The following TCF7L1 variants were observed in gnomAD, a reference collection of about 807,000 sequenced individuals.
TCF7L1 encodes the protein transcription factor 7 like 1, also known as transcription factor 7-like 1.
In TCF7L1, 18 loss-of-function variants were observed where a neutral mutation model predicts 63.7. The ratio of observed to expected loss-of-function variants is 0.28; its 90% CI spans 0.20 to 0.42. TCF7L1 has a LOEUF of 0.42. TCF7L1 is among the 10% of genes least tolerant of loss of function. The pLI is 1.00. For synonymous variants in TCF7L1, 355 were observed against 340.9 expected (o/e 1.04, Z -0.46); for missense variants, 654 against 779.3 (o/e 0.84, Z 1.91).
chr2:85,275,076 G>A (rs937579913), intron 3 of TCF7L1, among the ~76,000 whole-genome samples: 9 of 152,228 alleles, frequency 5.9e-5, no homozygotes, highest in East Asian at 1.9e-4. Context: ...CCCTGATTCC[G>A]TATTTGTTGA....
intron 3 of TCF7L1, among the ~76,000 whole-genome samples, chr2:85,210,344 G>C (rs377695785): frequency 2.4e-4 from 36 of 152,350 alleles, no homozygotes; most frequent in African/African-American, 8.7e-4. Flanking sequence ...GAGCCCTGTA[G>C]TTTCTCCCCT....
chr2:85,134,211 G>A lies in TCF7L1; in HGVS notation c.314-112G>A. The A allele has an allele frequency of 3.4e-6, 5 of 1,481,572 alleles. No individual in the cohort carries two copies. The highest frequency in any genetic ancestry group is 2.5e-5 in the East Asian group (1 of 39,306). 91.8% of individuals were successfully genotyped at this position (1,481,572 alleles called of 1,614,324 possible). A position where few individuals can be genotyped will look rare whatever the true frequency, so the allele number is the denominator to read the frequency against. On this transcript the variant is annotated intron_variant, in intron 2 of 11. Coordinates refer to ENST00000282111, the MANE Select transcript of TCF7L1 (RefSeq NM_031283.3). This position sits in a 1 kb window ranked among gnomAD's most constrained non-coding sequence, Gnocchi z 5.0. ...TCCGCCTTTATTGGCGGCAGCCCCC[G>A]TGGGGCGCGCGTGGGGGGCGCTGGG...
chr2:85,236,046 G>A (rs114440387), intron 3 of TCF7L1, among the ~76,000 whole-genome samples: 3,129 of 152,198 alleles, frequency 0.021, 119 homozygotes, highest in African/African-American at 0.071. Context: ...TCAGCTACTT[G>A]GGGAGCTGAG....
chr2:85,229,156 C>G (rs779408676), intron 3 of TCF7L1, among the ~76,000 whole-genome samples: 1 of 152,104 alleles, frequency 6.6e-6, no homozygotes, highest in East Asian at 1.9e-4. Flanking sequence ...ACCATCCTGG[C>G]CAACATGGTG....
chr2:85,139,865 T>G (rs1677681659), intron 3 of TCF7L1, among the ~76,000 whole-genome samples: 1 of 152,128 alleles, frequency 6.6e-6, no homozygotes, highest in Non-Finnish European at 1.5e-5. Flanking sequence ...AATCTGATCT[T>G]ATTTAAGAGG....
chr2:85,169,740 G>T (rs1678503511), intron 3 of TCF7L1, among the ~76,000 whole-genome samples: 1 of 152,162 alleles, frequency 6.6e-6, no homozygotes, highest in Non-Finnish European at 1.5e-5. Flanking sequence ...CTGCATCTGT[G>T]CTTGCTAGGT....
intron 3 of TCF7L1, chr2:85,187,312 T>A (rs1678949445): frequency 6.6e-6 from 1 of 152,226 alleles, no homozygotes; most frequent in Non-Finnish European, 1.5e-5. Context: ...GGTATGACTG[T>A]CTAATAGCGG....
intron 3 of TCF7L1, among the ~76,000 whole-genome samples, chr2:85,211,693 G>A (rs1485262150): frequency 6.6e-6 from 1 of 152,196 alleles, no homozygotes; most frequent in Non-Finnish European, 1.5e-5. Context: ...GCCTGGTCTG[G>A]TCTTTAGAGC....
intron 3 of TCF7L1, among the ~76,000 whole-genome samples, chr2:85,260,947 C>G (rs992197095): frequency 6.6e-6 from 1 of 152,126 alleles, no homozygotes; most frequent in Admixed American, 6.6e-5. Context: ...AGAATTTGCT[C>G]TCCCTCAGTT....
chr2:85,302,315 G>T (rs1436551602), intron 4 of TCF7L1, among the ~76,000 whole-genome samples, 169 bp from the exon 5 acceptor site: 3 of 152,116 alleles, frequency 2.0e-5, no homozygotes, highest in African/African-American at 7.2e-5. Flanking sequence ...CCCTTCTCAA[G>T]TCCTGCTGCT....
At chr2:85,143,383 T>A (rs1677791566) in intron 3 of TCF7L1, among the ~76,000 whole-genome samples, 1 of 152,224 alleles carries the variant, frequency 6.6e-6, no homozygotes, top group Non-Finnish European at 1.5e-5. Context: ...AATAAGCCTC[T>A]TCAATGCTGG....
chr2:85,141,450 C>T (rs1220865607), intron 3 of TCF7L1, among the ~76,000 whole-genome samples: 1 of 152,188 alleles, frequency 6.6e-6, no homozygotes, highest in Non-Finnish European at 1.5e-5. Flanking sequence ...TCAGCTGGAA[C>T]CCCAGACCAG....
chr2:85,230,000 C>A (rs1034829350), intron 3 of TCF7L1, among the ~76,000 whole-genome samples: 1 of 152,198 alleles, frequency 6.6e-6, no homozygotes, highest in Non-Finnish European at 1.5e-5. Flanking sequence ...CAAAGTGAGA[C>A]CCTGTCTCAA....
At chr2:85,164,505 G>T (rs1336635472) in intron 3 of TCF7L1, among the ~76,000 whole-genome samples, 1 of 152,124 alleles carries the variant, frequency 6.6e-6, no homozygotes, top group African/African-American at 2.4e-5. Flanking sequence ...TTGGGGAGTG[G>T]CAGGGTTATG....
intron 3 of TCF7L1, among the ~76,000 whole-genome samples, chr2:85,174,851 C>A (rs1207494513): frequency 2.0e-5 from 3 of 152,252 alleles, no homozygotes; most frequent in Non-Finnish European, 4.4e-5. Flanking sequence ...CCTTGGGTCA[C>A]TGCAGGTCCC....
At chr2:85,213,562 T>C (rs1421980088) in intron 3 of TCF7L1, 4 of 152,202 alleles carry the variant, frequency 2.6e-5, no homozygotes, top group Non-Finnish European at 4.4e-5. Context: ...ACTAGATCCC[T>C]TGGAAGTGTC....
chr2:85,197,072 C>A (rs559773204), intron 3 of TCF7L1, among the ~76,000 whole-genome samples: 9 of 152,306 alleles, frequency 5.9e-5, no homozygotes, highest in African/African-American at 1.9e-4. Flanking sequence ...CCACTTACCA[C>A]CCCCAGCCTA....
chr2:85,142,329 G>A (rs2104188803), intron 3 of TCF7L1, among the ~76,000 whole-genome samples: 1 of 151,932 alleles, frequency 6.6e-6, no homozygotes, highest in African/African-American at 2.4e-5. Flanking sequence ...TGAGGTGGGA[G>A]GATCACTTGA....
chr2:85,224,646 G>A (rs756579268), intron 3 of TCF7L1, among the ~76,000 whole-genome samples: 83 of 151,992 alleles, frequency 5.5e-4, no homozygotes, highest in Admixed American at 3.1e-3. Flanking sequence ...TTTTTTTCTT[G>A]TAAATTTGTT....
Sources: allele counts gnomAD v4.1 joint callset (sites outside exome capture counted in the v4.1 genomes callset), GRCh38; gene constraint gnomAD v4.1.1; non-coding constraint Gnocchi (gnomAD v3.1); transcripts MANE v1.5; gene names NCBI Gene and HGNC (gene_info 2026-07-23, HGNC 2026-07-21).